The following RALGPS1 variants were observed in gnomAD, a reference collection of about 807,000 sequenced individuals.
The protein encoded by RALGPS1 is ras-specific guanine nucleotide-releasing factor RalGPS1.
Under a neutral mutation model 78.8 loss-of-function variants are expected in RALGPS1, and 19 were observed. The ratio of observed to expected loss-of-function variants is 0.24; its 90% CI spans 0.17 to 0.35. The LOEUF (loss-of-function observed/expected upper bound fraction) is 0.35. Ranked by LOEUF, RALGPS1 falls within the 10% of genes least tolerant of loss-of-function variation. The probability of loss-of-function intolerance (pLI) is 1.00; values close to 1 mark genes in which losing one functional copy is unlikely to be tolerated. For synonymous variants in RALGPS1, 228 were observed against 256.3 expected (o/e 0.89, Z 1.06); for missense variants, 454 against 688.3 (o/e 0.66, Z 3.81).
intron 7 of RALGPS1, among the ~76,000 whole-genome samples, chr9:127,060,399 C>T (rs1227424242): frequency 6.6e-6 from 1 of 152,136 alleles, no homozygotes; most frequent in African/African-American, 2.4e-5. Context: ...AAATCAGACA[C>T]CTGGGTTGAG....
intron 4 of RALGPS1, among the ~76,000 whole-genome samples, chr9:127,029,863 C>T (rs1437151988): frequency 3.3e-5 from 5 of 152,298 alleles, no homozygotes; most frequent in African/African-American, 9.6e-5. Flanking sequence ...AGCACAAAAC[C>T]GGCAGCTAGT....
At chr9:127,057,982 C>A (rs531433058) in intron 7 of RALGPS1, among the ~76,000 whole-genome samples, 1 of 152,312 alleles carries the variant, frequency 6.6e-6, no homozygotes, top group East Asian at 1.9e-4. Context: ...TAGAGAAGGC[C>A]TTGCTTCCCT....
chr9:127,170,324 G>A (rs2059505236), intron 10 of RALGPS1, among the ~76,000 whole-genome samples: 1 of 152,212 alleles, frequency 6.6e-6, no homozygotes, highest in Non-Finnish European at 1.5e-5. Flanking sequence ...CAGATGTCTG[G>A]GGTGGGGCCT....
chr9:127,166,486 T>C (rs1347789446), intron 9 of RALGPS1, among the ~76,000 whole-genome samples: 2 of 152,148 alleles, frequency 1.3e-5, no homozygotes, highest in Non-Finnish European at 2.9e-5. Context: ...AGAGCTCAGG[T>C]CTTTCTGGCC....
intron 1 of RALGPS1, among the ~76,000 whole-genome samples, chr9:126,942,772 T>C (rs2036904417): frequency 6.6e-6 from 1 of 152,228 alleles, no homozygotes. Flanking sequence ...TATAGATTGA[T>C]TGGGTGGAAT....
At chr9:127,168,348 G>A (rs887163076) in intron 9 of RALGPS1, among the ~76,000 whole-genome samples, 2 of 152,194 alleles carry the variant, frequency 1.3e-5, no homozygotes, top group East Asian at 3.8e-4. Flanking sequence ...GTCTGTTTTG[G>A]AGGCCAGGGA....
At chr9:127,012,268 C>T (rs1422673590) in intron 4 of RALGPS1, among the ~76,000 whole-genome samples, 2 of 152,050 alleles carry the variant, frequency 1.3e-5, no homozygotes, top group Admixed American at 1.3e-4. Context: ...GTTATTTCCC[C>T]CTTTTGAATT....
At chr9:127,149,302 A>G (rs1382661560) in intron 8 of RALGPS1, among the ~76,000 whole-genome samples, 2 of 152,310 alleles carry the variant, frequency 1.3e-5, no homozygotes, top group East Asian at 3.9e-4. Context: ...TTGTCTTCCA[A>G]TGTTGGAGCT....
chr9:126,973,769 C>A (rs989848418), intron 3 of RALGPS1, among the ~76,000 whole-genome samples: 9 of 152,148 alleles, frequency 5.9e-5, no homozygotes, highest in African/African-American at 2.2e-4. Context: ...TCCTCCCAAC[C>A]CCCAGCAACC....
intron 7 of RALGPS1, among the ~76,000 whole-genome samples, chr9:127,061,212 C>T (rs755464288): frequency 6.6e-6 from 1 of 152,220 alleles, no homozygotes; most frequent in Non-Finnish European, 1.5e-5. Flanking sequence ...ACAAACCATA[C>T]ACCTTTCAGC....
intron 7 of RALGPS1, among the ~76,000 whole-genome samples, chr9:127,053,984 A>C (rs1316356225): frequency 6.6e-6 from 1 of 152,138 alleles, no homozygotes; most frequent in Non-Finnish European, 1.5e-5. Flanking sequence ...GTTTTCCATC[A>C]GTGCTTCGTG....
rs368125221 is a variant in RALGPS1 at position 127,222,460 on chromosome 9, AG to A, written c.*3693del. On this transcript the variant is annotated 3_prime_UTR_variant, in exon 19 of 19. Transcript: ENST00000259351. Reference sequence around the variant, plus strand: ...CAAACTGTCACAGTATCTGCTCCATAGGTTTCTGTTTTTAATTTCAATGTTA... The same window carrying A: ...CAAACTGTCACAGTATCTGCTCCATAGTTTCTGTTTTTAATTTCAATGTTA... The A allele has an allele frequency of 2.0e-5, 3 of 152,310 alleles. No homozygotes were observed. Among genetic ancestry groups the A allele is most frequent in the African/African-American group, 7.2e-5 (3 of 41,554 alleles). The allele number at this position is 152,310 out of a possible 1,614,324, so 9.4% of individuals were successfully genotyped here.
intron 4 of RALGPS1, among the ~76,000 whole-genome samples, chr9:127,000,556 T>A: frequency 7.6e-6 from 1 of 132,156 alleles, no homozygotes; most frequent in Non-Finnish European, 1.6e-5. Context: ...TTTTTTTTTT[T>A]TTTTTTTTTG....
rs749404884 is a variant in RALGPS1, at chr9:127,091,929, C to T, written c.610+22573C>T. On this transcript the variant is annotated intron_variant, in intron 8 of 18. Coordinates refer to ENST00000259351, the MANE Select transcript of RALGPS1 (RefSeq NM_014636.3). This position sits in a 1 kb window ranked among gnomAD's most constrained non-coding sequence, Gnocchi z 4.3. Reference sequence around the variant, plus strand: ...CCAGCCAGTATTCGCCGTCAATGTTCCCAAACCCTTGCTGGGGAAAACCCA... The same window carrying T: ...CCAGCCAGTATTCGCCGTCAATGTTTCCAAACCCTTGCTGGGGAAAACCCA... 1.9e-6 allele frequency: 3 copies of T among 1,613,768 alleles called. No homozygotes were observed. The highest frequency in any genetic ancestry group is 1.6e-4 in the Middle Eastern group (1 of 6,074).
At chr9:126,939,230 T>C (rs2036536602) in intron 1 of RALGPS1, among the ~76,000 whole-genome samples, 1 of 152,176 alleles carries the variant, frequency 6.6e-6, no homozygotes, top group African/African-American at 2.4e-5. Flanking sequence ...CTTCAGCCTT[T>C]TGGGACAGCA....
chr9:127,217,134 C>G (rs1272778316), intron 18 of RALGPS1: 1 of 1,321,134 alleles, frequency 7.6e-7, no homozygotes, highest in Non-Finnish European at 9.7e-7. Context: ...GCAGGCTGAT[C>G]CAGCAGAGCA....
chr9:127,026,565 T>C lies in RALGPS1; in HGVS notation c.217-7866T>C, dbSNP rs115896246. Among the ~76,000 whole-genome samples the C allele has an allele frequency of 3.8e-3, 573 of 151,710 alleles. 2 individuals carry two copies. The highest frequency in any genetic ancestry group is 0.013 in the African/African-American group (539 of 41,582). On this transcript the variant is annotated intron_variant, in intron 4 of 18. Coordinates refer to ENST00000259351, the MANE Select transcript of RALGPS1 (RefSeq NM_014636.3). ...TTTTACAAAATGTTTTTTCAGTCTG[T>C]TGCATTTCCTTTTCTTAACAGTGTC...
intron 5 of RALGPS1, among the ~76,000 whole-genome samples, chr9:127,048,926 T>C (rs899544513): frequency 5.3e-5 from 8 of 152,234 alleles, no homozygotes; most frequent in African/African-American, 1.9e-4. Flanking sequence ...TCCTGCTTAA[T>C]ATAAAAAGCA....
At chr9:127,109,352 C>T (rs1440907491) in intron 8 of RALGPS1, among the ~76,000 whole-genome samples, 3 of 152,218 alleles carry the variant, frequency 2.0e-5, no homozygotes, top group African/African-American at 7.2e-5. Flanking sequence ...CAGGATATTG[C>T]ACTTTGGGCA....
Sources: gnomAD v4.1 joint callset for allele counts (sites outside exome capture counted in the v4.1 genomes callset) on GRCh38, gnomAD v4.1.1 for gene constraint, Gnocchi (gnomAD v3.1) non-coding constraint, MANE v1.5 for transcripts, NCBI Gene and HGNC (gene_info 2026-07-23, HGNC 2026-07-21) for gene names.